Variants in ARL15 observed in about 807,000 individuals in gnomAD.
The protein encoded by ARL15 is ARF like GTPase 15, also known as ADP-ribosylation factor-like protein 15.
ARL15 carries 19 observed loss-of-function variants against 25.2 expected under a neutral mutation model. That is an observed-to-expected ratio of 0.75 (90% CI 0.53 to 1.10). The LOEUF (loss-of-function observed/expected upper bound fraction) is 1.10. Ranked by LOEUF, ARL15 falls within the 50% of genes least tolerant of loss-of-function variation. The pLI is 0.00. For synonymous variants in ARL15, 94 were observed against 86.8 expected, an observed-to-expected ratio of 1.08 and a Z score of -0.46; for missense variants, 220 against 246.0, an observed-to-expected ratio of 0.89 and a Z score of 0.71.
intron 4 of ARL15, among the ~76,000 whole-genome samples, chr5:53,922,082 T>C (rs373988625): frequency 2.0e-5 from 3 of 152,258 alleles, no homozygotes; most frequent in Non-Finnish European, 4.4e-5. Flanking sequence ...TAACTTGTAG[T>C]GTAGCACCAT....
chr5:54,040,529 A>G (rs897871013), intron 4 of ARL15, among the ~76,000 whole-genome samples: 27 of 152,190 alleles, frequency 1.8e-4, no homozygotes, highest in African/African-American at 6.0e-4. Context: ...TTGTTCCCAC[A>G]AAGTATGAAA....
At chr5:54,079,996 CACACACACACACACACACACAG>C (rs1450688976) in intron 4 of ARL15, among the ~76,000 whole-genome samples, 1 of 135,592 alleles carries the variant, frequency 7.4e-6, no homozygotes, top group Admixed American at 7.2e-5. Flanking sequence ...CACACACACA[CACACACACACACACACACACAG>C]ACACAGATGT....
intron 4 of ARL15, among the ~76,000 whole-genome samples, chr5:54,086,607 G>A (rs1751971977): frequency 6.6e-6 from 1 of 152,086 alleles, no homozygotes; most frequent in South Asian, 2.1e-4. Context: ...AGGGAAAAAT[G>A]AGAATATTAA....
chr5:54,056,311 G>T (rs1177610234), intron 4 of ARL15, among the ~76,000 whole-genome samples: 1 of 152,068 alleles, frequency 6.6e-6, no homozygotes, highest in Non-Finnish European at 1.5e-5. Flanking sequence ...TAACAGAAGG[G>T]TCGGGGAAGG....
chr5:54,204,026 T>C (rs1189975967), intron 1 of ARL15, among the ~76,000 whole-genome samples: 2 of 152,138 alleles, frequency 1.3e-5, no homozygotes, highest in Non-Finnish European at 2.9e-5. Context: ...TGTTTGTTTT[T>C]AATATTATGG....
At chr5:53,926,714 C>A (rs1746038242) in intron 4 of ARL15, among the ~76,000 whole-genome samples, 1 of 152,146 alleles carries the variant, frequency 6.6e-6, no homozygotes. Context: ...TGCCACCCAG[C>A]TTCACGAGAA....
chr5:54,152,637 T>C (rs1047656812), intron 3 of ARL15, among the ~76,000 whole-genome samples: 1 of 152,240 alleles, frequency 6.6e-6, no homozygotes, highest in African/African-American at 2.4e-5. Flanking sequence ...CAAAAACTTA[T>C]GTATCACTAG....
At chr5:54,166,211 G>C (rs571639723) in intron 2 of ARL15, among the ~76,000 whole-genome samples, 88 of 151,876 alleles carry the variant, frequency 5.8e-4, no homozygotes, top group African/African-American at 2.0e-3. Flanking sequence ...TCCCCCACAA[G>C]AGATGGGGTC....
chr5:54,294,360 A>G (rs929071704), intron 1 of ARL15, among the ~76,000 whole-genome samples: 1 of 152,222 alleles, frequency 6.6e-6, no homozygotes, highest in Non-Finnish European at 1.5e-5. Flanking sequence ...AGAAAGACAT[A>G]TGTATATTAC....
At chr5:54,059,992 T>C (rs535725310) in intron 4 of ARL15, among the ~76,000 whole-genome samples, 64 of 152,102 alleles carry the variant, frequency 4.2e-4, no homozygotes, top group Non-Finnish European at 6.9e-4. Context: ...CTCTATCATG[T>C]TCTATACTGA....
intron 4 of ARL15, among the ~76,000 whole-genome samples, chr5:54,000,796 C>A (rs1748828571): frequency 6.6e-6 from 1 of 152,068 alleles, no homozygotes; most frequent in African/African-American, 2.4e-5. Flanking sequence ...GTTCAAATTT[C>A]TCTATATAAA....
intron 1 of ARL15, among the ~76,000 whole-genome samples, chr5:54,197,138 T>C (rs1755573355): frequency 6.6e-6 from 1 of 152,114 alleles, no homozygotes; most frequent in Admixed American, 6.6e-5. Flanking sequence ...TTTTTTATTT[T>C]TTTACTTGAA....
intron 1 of ARL15, among the ~76,000 whole-genome samples, chr5:54,204,203 T>C (rs1326806910): frequency 6.6e-6 from 1 of 152,158 alleles, no homozygotes; most frequent in Non-Finnish European, 1.5e-5. Context: ...TTGTGATAAT[T>C]ATATTAATAA....
intron 4 of ARL15, among the ~76,000 whole-genome samples, chr5:54,096,114 AG>A (rs1424392238): frequency 6.6e-6 from 1 of 152,206 alleles, no homozygotes; most frequent in African/African-American, 2.4e-5. Context: ...CAGAACAATC[AG>A]GAGAAGTGCC....
intron 4 of ARL15, chr5:53,911,921 A>G (rs1039737491): frequency 6.6e-6 from 1 of 152,182 alleles, no homozygotes; most frequent in African/African-American, 2.4e-5. Context: ...ACTGTGAGAT[A>G]AATAAAATCT....
intron 1 of ARL15, among the ~76,000 whole-genome samples, chr5:54,231,244 T>C (rs1756662845): frequency 6.6e-6 from 1 of 152,134 alleles, no homozygotes; most frequent in Non-Finnish European, 1.5e-5. Flanking sequence ...CTGGAAGTCC[T>C]GACTCCTCAT....
At chr5:53,927,599 C>A (rs2112039190) in intron 4 of ARL15, among the ~76,000 whole-genome samples, 1 of 152,276 alleles carries the variant, frequency 6.6e-6, no homozygotes, top group African/African-American at 2.4e-5. Context: ...TGCAGCCCTG[C>A]AAGTACTGAT....
At chr5:54,075,213 G>A (rs891901247) in intron 4 of ARL15, among the ~76,000 whole-genome samples, 2 of 151,652 alleles carry the variant, frequency 1.3e-5, no homozygotes, top group East Asian at 3.9e-4. Flanking sequence ...TCTTTGCCAA[G>A]TTCAGGACAA....
intron 1 of ARL15, among the ~76,000 whole-genome samples, chr5:54,213,885 G>A (rs1390863650): frequency 6.6e-6 from 1 of 152,144 alleles, no homozygotes; most frequent in African/African-American, 2.4e-5. Flanking sequence ...TCAGTTTATT[G>A]TTTGGAAAAA....
Sources: allele counts gnomAD v4.1 joint callset (sites outside exome capture counted in the v4.1 genomes callset), GRCh38; gene constraint gnomAD v4.1.1; transcripts MANE v1.5; gene names NCBI Gene and HGNC (gene_info 2026-07-23, HGNC 2026-07-21).